The following SCUBE2 variants were observed in gnomAD, a reference collection of about 807,000 sequenced individuals.
SCUBE2 encodes signal peptide, CUB and EGF-like domain-containing protein 2.
Under a neutral mutation model 125.9 loss-of-function variants are expected in SCUBE2, and 114 were observed. That is an observed-to-expected ratio of 0.91 (90% CI 0.78 to 1.06). SCUBE2 has a LOEUF of 1.06. SCUBE2 is among the 50% of genes least tolerant of loss of function. SCUBE2 has a pLI of 0.00. For missense variants in SCUBE2, 1,255 were observed against 1,301.8 expected, an observed-to-expected ratio of 0.96 and a Z score of 0.55; for synonymous variants, 459 against 492.9, an observed-to-expected ratio of 0.93 and a Z score of 0.91.
chr11:9,069,342 T>A (rs1004959339), intron 5 of SCUBE2, 28 bp downstream of exon 5: 2 of 1,613,134 alleles, frequency 1.2e-6, no homozygotes, highest in Non-Finnish European at 1.7e-6. Flanking sequence ...ACGGTTCCCA[T>A]GGCAGGTGTG....
At chr11:9,034,932 G>T (rs1856635719) in intron 16 of SCUBE2, among the ~76,000 whole-genome samples, 1 of 152,174 alleles carries the variant, frequency 6.6e-6, no homozygotes, top group South Asian at 2.1e-4. Context: ...CAAACGCGGA[G>T]GTTGCAATGG....
At chr11:9,082,094 GA>G (rs1489463546) in intron 2 of SCUBE2, among the ~76,000 whole-genome samples, 1 of 152,120 alleles carries the variant, frequency 6.6e-6, no homozygotes, top group African/African-American at 2.4e-5. Context: ...CAGAGATGTC[GA>G]ACATCTTTTC....
At position 9,030,564 on chromosome 11, in the gene SCUBE2, G is replaced by A. The variant is rs144631716; in HGVS notation, c.2341+194C>T. ...TGTCAGCCTGTCCAAAGGGGCTAAG[G>A]TGGCTGGAGGACAGCTTGTCCAGTG... On this transcript the variant is annotated intron_variant, in intron 18 of 22. Transcript: ENST00000649792. 4.3e-4 allele frequency among the ~76,000 whole-genome samples: 65 copies of A among 152,316 alleles called. No individual in the cohort carries two copies. In the East Asian group the frequency reaches 0.012, roughly 28 times the overall value.
intron 16 of SCUBE2, among the ~76,000 whole-genome samples, chr11:9,034,609 G>T (rs1856597888): frequency 1.3e-5 from 2 of 152,168 alleles, no homozygotes; most frequent in African/African-American, 4.8e-5. Context: ...GTTTTGAAAA[G>T]TTCATTCTCT....
At chr11:9,070,516 G>A (rs756850292) in intron 4 of SCUBE2, among the ~76,000 whole-genome samples, 14 of 152,154 alleles carry the variant, frequency 9.2e-5, no homozygotes, top group South Asian at 6.2e-4. Context: ...CTTTGCATTC[G>A]TGCAATGTAA....
At chr11:9,025,973 A>G in intron 20 of SCUBE2, 119 bp from the exon 21 acceptor site, 2 of 1,061,374 alleles carry the variant, frequency 1.9e-6, no homozygotes, top group East Asian at 2.5e-5. Flanking sequence ...AAAGCTCTTC[A>G]GGCCCAGCTG....
intron 4 of SCUBE2, among the ~76,000 whole-genome samples, chr11:9,074,124 C>T (rs1009110417): frequency 1.3e-5 from 2 of 152,234 alleles, no homozygotes; most frequent in African/African-American, 2.4e-5. Context: ...CAGGCTCATA[C>T]TGGTGCTGTG....
chr11:9,029,254 G>C (rs11825760), intron 19 of SCUBE2, among the ~76,000 whole-genome samples: 1,998 of 152,220 alleles, frequency 0.013, 40 homozygotes, highest in African/African-American at 0.046. Context: ...GCATCCATCC[G>C]AGGCTTTGCC....
chr11:9,044,175 C>T (rs559308194), intron 16 of SCUBE2, among the ~76,000 whole-genome samples: 8 of 152,246 alleles, frequency 5.3e-5, no homozygotes, highest in Non-Finnish European at 8.8e-5. Flanking sequence ...GAGGTTGCTC[C>T]GCTATCATGT....
At chr11:9,026,923 T>C (rs535603526) in intron 20 of SCUBE2, 37 of 167,764 alleles carry the variant, frequency 2.2e-4, no homozygotes, top group African/African-American at 8.1e-4. Context: ...CTCATTACAC[T>C]GCCCATAAGC....
At chr11:9,047,313 G>A in intron 16 of SCUBE2, 43 bp downstream of exon 16, 3 of 1,603,436 alleles carry the variant, frequency 1.9e-6, no homozygotes, top group South Asian at 1.1e-5. Context: ...TGTTTATGGA[G>A]CCCAAGGCTG....
At position 9,033,648 on chromosome 11, in the gene SCUBE2, A is replaced by G. The variant is rs949230599; in HGVS notation, c.2151T>C (p.Ala717=). 40 of 1,613,906 alleles carry G rather than the reference A, an allele frequency of 2.5e-5. No individual in the cohort carries two copies. The highest frequency in any genetic ancestry group is 3.4e-5 in the Non-Finnish European group (40 of 1,179,996). The change falls in exon 17 of 23, where the codon GCT becomes GCC. Residue 717 remains alanine, a synonymous_variant. Coordinates refer to ENST00000649792, the MANE Select transcript of SCUBE2 (RefSeq NM_001367977.2). The stretch of plus-strand genomic sequence containing the variant: ...TACCTCCACATTCAGACATATTCCA[A>G]GCTTCTGGGGTCTTCAGGGCCCCAG... ...GNSGALKTPE[A]WNMSECGGLC...
intron 6 of SCUBE2, among the ~76,000 whole-genome samples, chr11:9,066,339 C>T (rs538885551): frequency 7.2e-5 from 11 of 152,310 alleles, no homozygotes; most frequent in Admixed American, 6.5e-4. Flanking sequence ...GCAGGCATCC[C>T]GCCAGAAATA....
rs1285031033 is a variant in SCUBE2 at position 9,019,997 on chromosome 11, A to C, written c.*1048T>G. Among the ~76,000 whole-genome samples, 2 of 152,198 alleles carry C rather than the reference A, an allele frequency of 1.3e-5. No individual in the cohort carries two copies. Among genetic ancestry groups the C allele is most frequent in the Admixed American group, 6.5e-5 (1 of 15,284 alleles). On this transcript the variant is annotated 3_prime_UTR_variant, in exon 23 of 23. Transcript: ENST00000649792. ...AGGGGGTGTTTCTGGCAGTGCTGTTACTGTTAGAGAATGAGACCACCCTTC... is the reference window on the plus strand; with the variant it reads ...AGGGGGTGTTTCTGGCAGTGCTGTTCCTGTTAGAGAATGAGACCACCCTTC...
At chr11:9,039,612 G>A (rs76026414) in intron 16 of SCUBE2, among the ~76,000 whole-genome samples, 1,747 of 152,192 alleles carry the variant, frequency 0.011, 27 homozygotes, top group African/African-American at 0.039. Flanking sequence ...ATGATCCACC[G>A]GGTGGGAGCA....
chr11:9,031,575 C>A (rs2135151355), intron 17 of SCUBE2, among the ~76,000 whole-genome samples: 1 of 152,072 alleles, frequency 6.6e-6, no homozygotes. Flanking sequence ...CTGCAGTGAG[C>A]CATATTTGCA....
Position 9,047,942 on chromosome 11 carries a change from C to A in SCUBE2, c.1795+1G>T, listed in dbSNP as rs771417362. ...GCAATGCAGACTGTTTTCAAACCAA[C>A]CTGTCACCTCCTTTTGGTTAGTTTC... On this transcript the variant is annotated splice_donor_variant, in intron 15 of 22. Coordinates refer to ENST00000649792, the MANE Select transcript of SCUBE2 (RefSeq NM_001367977.2). LOFTEE classifies it high-confidence loss of function. 3.0e-5 allele frequency: 48 copies of A among 1,607,054 alleles called. No homozygotes were observed. Among genetic ancestry groups the A allele is most frequent in the African/African-American group, 4.0e-5 (3 of 74,584 alleles).
At position 9,091,380 on chromosome 11, in the gene SCUBE2, G is replaced by A; in HGVS notation, c.133+16C>T. 1 of 1,302,100 alleles carries A rather than the reference G, an allele frequency of 7.7e-7. No individual in the cohort carries two copies. The highest frequency in any genetic ancestry group is 9.7e-7 in the Non-Finnish European group (1 of 1,030,896). The allele number at this position is 1,302,100 out of a possible 1,614,324, so 80.7% of individuals were successfully genotyped here. On this transcript the variant is annotated intron_variant, in intron 1 of 22. Coordinates refer to ENST00000649792, the MANE Select transcript of SCUBE2 (RefSeq NM_001367977.2). The surrounding 1 kb of genome is among the most constrained non-coding windows in gnomAD (Gnocchi z 8.5). ...TGCCTGCTGTGCCAGGTGCGCCCCC[G>A]CGGCCGGACACTCACCCTCCTGCGG... is the stretch of plus-strand genomic sequence containing the variant.
chr11:9,088,732 A>G (rs1231452328), intron 2 of SCUBE2, among the ~76,000 whole-genome samples: 1 of 152,202 alleles, frequency 6.6e-6, no homozygotes, highest in Non-Finnish European at 1.5e-5. Flanking sequence ...ATACTCAGAG[A>G]TGAGTTCAGT....
Sources: gnomAD v4.1 joint callset for allele counts (sites outside exome capture counted in the v4.1 genomes callset) on GRCh38, gnomAD v4.1.1 for gene constraint, Gnocchi (gnomAD v3.1) non-coding constraint, MANE v1.5 for transcripts, NCBI Gene and HGNC (gene_info 2026-07-23, HGNC 2026-07-21) for gene names.